The following TAS2R1 variants were observed in gnomAD, a reference collection of about 807,000 sequenced individuals.
TAS2R1 encodes taste 2 receptor member 1.
For synonymous variants in TAS2R1, 141 were observed against 134.2 expected, an observed-to-expected ratio of 1.05 and a Z score of -0.35; for missense variants, 370 against 353.4, an observed-to-expected ratio of 1.05 and a Z score of -0.38.
intron 1 of TAS2R1, among the ~76,000 whole-genome samples, chr5:9,677,966 C>T (rs549742713): frequency 6.6e-6 from 1 of 152,216 alleles, no homozygotes; most frequent in South Asian, 2.1e-4. Flanking sequence ...AAATGGGCAG[C>T]TGAGGTGGGA....
At chr5:9,792,809 T>G in the TAS2R1 span, among the ~76,000 whole-genome samples, 1 of 152,202 alleles carries the variant, frequency 6.6e-6, no homozygotes, top group Non-Finnish European at 1.5e-5. Flanking sequence ...AAGAAGAACA[T>G]GAAGGCCTCT....
At chr5:9,750,669 C>T in the TAS2R1 span, among the ~76,000 whole-genome samples, 6 of 152,190 alleles carry the variant, frequency 3.9e-5, no homozygotes, top group African/African-American at 1.4e-4. Flanking sequence ...CATAACTCAT[C>T]ACAATCCCTT....
At chr5:9,680,771 G>A (rs972241344) in intron 1 of TAS2R1, among the ~76,000 whole-genome samples, 4 of 152,142 alleles carry the variant, frequency 2.6e-5, no homozygotes, top group African/African-American at 7.2e-5. Flanking sequence ...GTGGTATCAT[G>A]GCTGGGCATG....
intron 1 of TAS2R1, among the ~76,000 whole-genome samples, chr5:9,670,835 C>CA (rs992935800): frequency 1.3e-5 from 2 of 151,836 alleles, no homozygotes; most frequent in African/African-American, 4.8e-5. Flanking sequence ...AAAGATACAA[C>CA]AAAAAAAGAA....
At chr5:9,650,514 ATGTTGGGCTT>A (rs1740283624) in intron 2 of TAS2R1, among the ~76,000 whole-genome samples, 1 of 152,112 alleles carries the variant, frequency 6.6e-6, no homozygotes, top group Non-Finnish European at 1.5e-5. Context: ...CTCTAATATT[ATGTTGGGCTT>A]TGTTGGACAC....
At chr5:9,833,365 G>A in the TAS2R1 span, among the ~76,000 whole-genome samples, 2 of 152,146 alleles carry the variant, frequency 1.3e-5, no homozygotes. Flanking sequence ...TAGTGATTTT[G>A]GGGTCCCAAG....
chr5:9,830,590 T>TAGAC, the TAS2R1 span, among the ~76,000 whole-genome samples: 29 of 132,194 alleles, frequency 2.2e-4, no homozygotes, highest in African/African-American at 8.3e-4. Context: ...GGTAGGTAGA[T>TAGAC]AGACACGTGC....
the TAS2R1 span, among the ~76,000 whole-genome samples, chr5:9,836,902 A>G: frequency 2.0e-5 from 3 of 152,314 alleles, no homozygotes; most frequent in East Asian, 5.8e-4. Flanking sequence ...ATGTTCGACT[A>G]AGGAGCAGGA....
chr5:9,676,581 C>T (rs1740880995), intron 1 of TAS2R1, among the ~76,000 whole-genome samples: 1 of 152,010 alleles, frequency 6.6e-6, no homozygotes, highest in Admixed American at 6.6e-5. Context: ...AGACATAGAC[C>T]TTATAACTTT....
At chr5:9,837,216 C>A in the TAS2R1 span, among the ~76,000 whole-genome samples, 3 of 152,136 alleles carry the variant, frequency 2.0e-5, no homozygotes, top group Admixed American at 2.0e-4. Context: ...TCACAGAGAG[C>A]TCCCACAGAC....
the TAS2R1 span, among the ~76,000 whole-genome samples, chr5:9,734,982 T>C: frequency 6.6e-6 from 1 of 151,470 alleles, no homozygotes; most frequent in African/African-American, 2.5e-5. Flanking sequence ...TTTAATTGAT[T>C]CACAATTCTG....
At chr5:9,719,760 CA>C in the TAS2R1 span, among the ~76,000 whole-genome samples, 24,057 of 149,376 alleles carry the variant, frequency 0.16, 1,902 homozygotes, top group Middle Eastern at 0.29. Flanking sequence ...ACTAAAAATA[CA>C]AAAAAAATTA....
intron 1 of TAS2R1, among the ~76,000 whole-genome samples, chr5:9,675,064 AAAAAT>A (rs1432326775): frequency 6.6e-6 from 1 of 150,660 alleles, no homozygotes; most frequent in Admixed American, 6.6e-5. Flanking sequence ...ATTTGATATT[AAAAAT>A]AAAAGCCCAC....
At chr5:9,764,957 C>T in the TAS2R1 span, among the ~76,000 whole-genome samples, 19 of 152,196 alleles carry the variant, frequency 1.2e-4, no homozygotes, top group East Asian at 2.3e-3. Context: ...AACAAAAACA[C>T]GAAAATATGC....
the TAS2R1 span, among the ~76,000 whole-genome samples, chr5:9,794,525 T>A: frequency 2.0e-5 from 3 of 152,242 alleles, no homozygotes; most frequent in African/African-American, 7.2e-5. Context: ...TGATCATTCT[T>A]ATTTTACACA....
At chr5:9,893,299 T>C in the TAS2R1 span, among the ~76,000 whole-genome samples, 1 of 151,428 alleles carries the variant, frequency 6.6e-6, no homozygotes, top group African/African-American at 2.4e-5. Flanking sequence ...CCACCTCCCG[T>C]GGCCGGGCTT....
chr5:9,892,535 A>G, the TAS2R1 span, among the ~76,000 whole-genome samples: 3 of 152,192 alleles, frequency 2.0e-5, no homozygotes, highest in Non-Finnish European at 2.9e-5. Flanking sequence ...AACCAACTAC[A>G]TAACAACCTC....
At chr5:9,814,596 G>A in the TAS2R1 span, among the ~76,000 whole-genome samples, 18 of 152,148 alleles carry the variant, frequency 1.2e-4, no homozygotes, top group African/African-American at 3.6e-4. Flanking sequence ...TCAATCCTAC[G>A]TTCTTTCTTT....
At chr5:9,647,179 A>C (rs942270320) in intron 2 of TAS2R1, among the ~76,000 whole-genome samples, 1 of 152,186 alleles carries the variant, frequency 6.6e-6, no homozygotes, top group Admixed American at 6.5e-5. Context: ...AAAGGATATT[A>C]ATGATTATTT....
Sources: allele counts gnomAD v4.1 joint callset (sites outside exome capture counted in the v4.1 genomes callset), GRCh38; gene constraint gnomAD v4.1.1; transcripts MANE v1.5; gene names NCBI Gene and HGNC (gene_info 2026-07-23, HGNC 2026-07-21).